Variants in ACTN4 observed in about 807,000 individuals in gnomAD.
The protein encoded by ACTN4 is alpha-actinin-4.
ACTN4 carries 18 observed loss-of-function variants against 114.2 expected under a neutral mutation model. That is an observed-to-expected ratio of 0.16 (90% CI 0.11 to 0.23). ACTN4 has a LOEUF of 0.23. Ranked by LOEUF, ACTN4 falls within the 10% of genes least tolerant of loss-of-function variation. The pLI, the probability that ACTN4 is intolerant of heterozygous loss-of-function variation, is 1.00. For synonymous variants in ACTN4, 515 were observed against 506.3 expected (o/e 1.02, Z -0.23); for missense variants, 722 against 1,262.9 (o/e 0.57, Z 6.49).
chr19:38,728,105 C>A, intron 19 of ACTN4, 79 bp downstream of exon 19: 1 of 1,498,170 alleles, frequency 6.7e-7, no homozygotes, highest in South Asian at 1.2e-5. Context: ...CTCCCCTCGC[C>A]ATCCCACCCC....
chr19:38,688,772 C>A (rs1967829733), intron 1 of ACTN4, among the ~76,000 whole-genome samples: 1 of 152,030 alleles, frequency 6.6e-6, no homozygotes, highest in Admixed American at 6.6e-5. Flanking sequence ...CCACTGCACA[C>A]CCACCATGAT....
rs1388045353 is a variant in ACTN4 at position 38,706,264 on chromosome 19, G to A, written c.572+133G>A. 9.7e-6 allele frequency: 9 copies of A among 923,502 alleles called. No homozygotes were observed. The South Asian group carries it at 1.1e-4, about 11-fold the overall frequency. 57.2% of individuals were successfully genotyped at this position (923,502 alleles called of 1,614,324 possible). ...CTCAGTCAGCCCCTCCCTGGCCACG[G>A]GCCCTACAAGCCCATGGGAAGGTCA... On this transcript the variant is annotated intron_variant, in intron 5 of 20. Coordinates refer to ENST00000252699, the MANE Select transcript of ACTN4 (RefSeq NM_004924.6).
chr19:38,723,774 G>A, intron 13 of ACTN4, 52 bp downstream of exon 13: 3 of 1,513,302 alleles, frequency 2.0e-6, no homozygotes, highest in South Asian at 1.2e-5. Context: ...GCTGCCCCGG[G>A]GCTGGTGGTG....
intron 1 of ACTN4, among the ~76,000 whole-genome samples, chr19:38,700,112 G>T (rs1968221220): frequency 6.6e-6 from 1 of 152,158 alleles, no homozygotes; most frequent in Admixed American, 6.5e-5. Flanking sequence ...GGTCTAGCTG[G>T]CAGATGAAGG....
At chr19:38,666,293 C>T (rs1264829546) in intron 1 of ACTN4, among the ~76,000 whole-genome samples, 1 of 152,184 alleles carries the variant, frequency 6.6e-6, no homozygotes, top group African/African-American at 2.4e-5. Flanking sequence ...GCCTCCCAGC[C>T]TCTCCCCTAA....
At chr19:38,674,948 T>A (rs1967328116) in intron 1 of ACTN4, among the ~76,000 whole-genome samples, 1 of 152,180 alleles carries the variant, frequency 6.6e-6, no homozygotes, top group African/African-American at 2.4e-5. Context: ...TTCACCTTCA[T>A]CCAGGCATCT....
At chr19:38,668,823 G>A (rs1325111426) in intron 1 of ACTN4, among the ~76,000 whole-genome samples, 4 of 152,152 alleles carry the variant, frequency 2.6e-5, no homozygotes, top group South Asian at 4.1e-4. Context: ...CATTGACTTC[G>A]CCTTCATGGG....
chr19:38,664,519 G>A (rs746421137), intron 1 of ACTN4, among the ~76,000 whole-genome samples: 12 of 152,142 alleles, frequency 7.9e-5, no homozygotes, highest in Non-Finnish European at 1.6e-4. Flanking sequence ...TAAGGTAGGG[G>A]CAGAAATCAT....
At chr19:38,648,055 A>G in intron 1 of ACTN4, 148 bp downstream of exon 1, 1 of 942,896 alleles carries the variant, frequency 1.1e-6, no homozygotes, top group Non-Finnish European at 1.4e-6. Context: ...AGGGAATTGG[A>G]GTCCTGAGGA....
chr19:38,686,267 C>T (rs1967738547), intron 1 of ACTN4, among the ~76,000 whole-genome samples: 1 of 152,246 alleles, frequency 6.6e-6, no homozygotes, highest in Non-Finnish European at 1.5e-5. Flanking sequence ...GACTGGGCCC[C>T]TTAGGCACTC....
chr19:38,710,852 TAG>T (rs1410370490), intron 8 of ACTN4: 1 of 254,308 alleles, frequency 3.9e-6, no homozygotes, highest in East Asian at 9.8e-5. Flanking sequence ...AGGGACCAGC[TAG>T]AGAGGAGTGA....
In ACTN4 at chr19:38,670,706, C is replaced by T. The variant is rs372333521; in HGVS notation, c.162+22799C>T. 1.7e-3 allele frequency among the ~76,000 whole-genome samples: 252 copies of T among 152,112 alleles called. 1 individual carries two copies. Among genetic ancestry groups the T allele is most frequent in the African/African-American group, 5.8e-3 (241 of 41,506 alleles). ...TTGGGAGGCTGAGGAGGGTGGATCA[C>T]GAGGTCAGGAGATTGAGACCATCCT... is the stretch of plus-strand genomic sequence containing the variant. On this transcript the variant is annotated intron_variant, in intron 1 of 20. Coordinates refer to ENST00000252699, the MANE Select transcript of ACTN4 (RefSeq NM_004924.6).
intron 1 of ACTN4, among the ~76,000 whole-genome samples, chr19:38,692,541 G>A (rs1442716698): frequency 1.3e-5 from 2 of 152,248 alleles, no homozygotes; most frequent in African/African-American, 4.8e-5. Flanking sequence ...ATCTCTGCCT[G>A]TGCCGCTGGT....
Position 38,727,832 on chromosome 19 carries a change from G to A in ACTN4, c.2338-114G>A, listed in dbSNP as rs1439964489. The A allele has an allele frequency of 1.0e-6, 1 of 990,462 alleles. No homozygotes were observed. The highest frequency in any genetic ancestry group is 1.5e-6 in the Non-Finnish European group (1 of 645,734). 61.4% of individuals were successfully genotyped at this position (990,462 alleles called of 1,614,324 possible). A position where few individuals can be genotyped will look rare whatever the true frequency, so the allele number is the denominator to read the frequency against. ...CCTTGTCCATGTTGCCTCTAACTCT[G>A]TGTTTCCCTCCCCTACGTGTCCCTT... is the stretch of plus-strand genomic sequence containing the variant. On this transcript the variant is annotated intron_variant, in intron 18 of 20. Coordinates refer to ENST00000252699, the MANE Select transcript of ACTN4 (RefSeq NM_004924.6). The surrounding 1 kb of genome is among the most constrained non-coding windows in gnomAD (Gnocchi z 5.4).
At position 38,717,622 on chromosome 19, in the gene ACTN4, T is replaced by C. The variant is rs569218731; in HGVS notation, c.1144-305T>C. On this transcript the variant is annotated intron_variant, in intron 10 of 20. Coordinates refer to ENST00000252699, the MANE Select transcript of ACTN4 (RefSeq NM_004924.6). This position sits in a 1 kb window ranked among gnomAD's most constrained non-coding sequence, Gnocchi z 4.0. ...GTCTGCCATGATGGCATGACCGCCA[T>C]GTGCTTGAGGCCCTTCATCAGCGGA... Among the ~76,000 whole-genome samples, 7 of 152,298 alleles carry C rather than the reference T, an allele frequency of 4.6e-5. No individual in the cohort carries two copies. Among genetic ancestry groups the C allele is most frequent in the Non-Finnish European group, 5.9e-5 (4 of 68,026 alleles).
intron 19 of ACTN4, chr19:38,728,308 C>T (rs980566725): frequency 1.6e-5 from 25 of 1,515,722 alleles, no homozygotes; most frequent in East Asian, 5.3e-5. Context: ...CCTGCGTCCT[C>T]GGAGCAGAAG....
At chr19:38,658,363 A>G (rs1021929145) in intron 1 of ACTN4, among the ~76,000 whole-genome samples, 1 of 152,188 alleles carries the variant, frequency 6.6e-6, no homozygotes, top group Non-Finnish European at 1.5e-5. Flanking sequence ...CTACTTCCAC[A>G]AACACTGATA....
Position 38,729,709 on chromosome 19 carries a change from A to C in ACTN4, c.*277A>C, listed in dbSNP as rs1481413673. On this transcript the variant is annotated 3_prime_UTR_variant, in exon 21 of 21. Transcript: ENST00000252699. The stretch of plus-strand genomic sequence containing the variant: ...GTGCTTTTTTAACCAAGGAGGGGCC[A>C]GTGGATTCCCACAGCACAACCGGTC... 9 of 632,936 alleles carry C rather than the reference A, an allele frequency of 1.4e-5. No individual in the cohort carries two copies. Among genetic ancestry groups the C allele is most frequent in the East Asian group, 1.3e-4 (4 of 30,794 alleles). 39.2% of individuals were successfully genotyped at this position (632,936 alleles called of 1,614,324 possible). A position where few individuals can be genotyped will look rare whatever the true frequency, so the allele number is the denominator to read the frequency against.
intron 1 of ACTN4, among the ~76,000 whole-genome samples, chr19:38,648,748 T>C (rs1297821781): frequency 6.6e-6 from 1 of 151,136 alleles, no homozygotes; most frequent in Non-Finnish European, 1.5e-5. Context: ...TGATGAGGGA[T>C]GGAGAAGCCG....
Sources: gnomAD v4.1 joint callset for allele counts (sites outside exome capture counted in the v4.1 genomes callset) on GRCh38, gnomAD v4.1.1 for gene constraint, Gnocchi (gnomAD v3.1) non-coding constraint, MANE v1.5 for transcripts, NCBI Gene and HGNC (gene_info 2026-07-23, HGNC 2026-07-21) for gene names.